Variants in ADAMTSL1 observed in about 807,000 individuals in gnomAD.
ADAMTSL1 encodes ADAMTS-like protein 1.
In ADAMTSL1, 126 loss-of-function variants were observed where a neutral mutation model predicts 201.8. The ratio of observed to expected loss-of-function variants is 0.62; its 90% CI spans 0.54 to 0.72. ADAMTSL1 has a LOEUF of 0.72. Ranked by LOEUF, ADAMTSL1 falls within the 30% of genes least tolerant of loss-of-function variation. The pLI, the probability that ADAMTSL1 is intolerant of heterozygous loss-of-function variation, is 0.00. For synonymous variants in ADAMTSL1, 1,121 were observed against 903.4 expected (o/e 1.24, Z -4.32); for missense variants, 2,679 against 2,277.8 (o/e 1.18, Z -3.59).
chr9:18,452,070 C>T (rs775621941), intron 2 of ADAMTSL1, among the ~76,000 whole-genome samples: 5 of 152,156 alleles, frequency 3.3e-5, no homozygotes, highest in African/African-American at 4.8e-5. Context: ...AGTGCCACCA[C>T]GCCTGGCTAA....
At chr9:18,397,302 G>T (rs1047877041) in intron 2 of ADAMTSL1, among the ~76,000 whole-genome samples, 3 of 152,024 alleles carry the variant, frequency 2.0e-5, no homozygotes, top group African/African-American at 7.2e-5. Flanking sequence ...CTGCCTCGTG[G>T]TATAATTCTT....
intron 4 of ADAMTSL1, among the ~76,000 whole-genome samples, chr9:18,609,193 C>T (rs1301900260): frequency 1.3e-5 from 2 of 152,086 alleles, no homozygotes; most frequent in Non-Finnish European, 2.9e-5. Context: ...GAAAGTGGTT[C>T]CTGAATTAAC....
intron 2 of ADAMTSL1, among the ~76,000 whole-genome samples, chr9:18,243,479 C>T (rs1056501825): frequency 2.0e-5 from 3 of 152,070 alleles, no homozygotes; most frequent in African/African-American, 7.2e-5. Flanking sequence ...TCTCCTCACA[C>T]TGACCTTTGA....
chr9:18,872,459 A>G (rs534479710), intron 23 of ADAMTSL1, among the ~76,000 whole-genome samples: 17 of 152,200 alleles, frequency 1.1e-4, no homozygotes, highest in African/African-American at 3.9e-4. Context: ...CACTGTACCC[A>G]ATGTGTAGTC....
chr9:18,638,708 A>T (rs183614218), intron 6 of ADAMTSL1, among the ~76,000 whole-genome samples: 2 of 152,276 alleles, frequency 1.3e-5, no homozygotes, highest in East Asian at 3.9e-4. Context: ...ACTGAAAATG[A>T]TAGTTCTTGT....
At chr9:18,011,181 A>G (rs1820037555) in intron 1 of ADAMTSL1, among the ~76,000 whole-genome samples, 1 of 152,076 alleles carries the variant, frequency 6.6e-6, no homozygotes, top group African/African-American at 2.4e-5. Flanking sequence ...GAGACAAAAG[A>G]GGTATGTCAG....
chr9:18,254,736 G>T (rs1458369801), intron 2 of ADAMTSL1, among the ~76,000 whole-genome samples: 1 of 149,050 alleles, frequency 6.7e-6, no homozygotes, highest in East Asian at 2.0e-4. Context: ...ATTGTGAGTG[G>T]AGCATTTTAC....
chr9:18,533,112 A>G (rs912530904), intron 2 of ADAMTSL1, 135 bp from the exon 3 acceptor site: 11 of 573,874 alleles, frequency 1.9e-5, no homozygotes, highest in African/African-American at 1.9e-4. Flanking sequence ...TTTTAATAGT[A>G]AACCCTCTAA....
intron 1 of ADAMTSL1, among the ~76,000 whole-genome samples, chr9:17,953,133 T>C (rs935168903): frequency 1.8e-4 from 28 of 152,080 alleles, no homozygotes; most frequent in African/African-American, 6.0e-4. Flanking sequence ...CTTTGTCACA[T>C]GACACATTGT....
chr9:18,361,538 T>C (rs1836519065), intron 2 of ADAMTSL1, among the ~76,000 whole-genome samples: 1 of 152,204 alleles, frequency 6.6e-6, no homozygotes, highest in Non-Finnish European at 1.5e-5. Flanking sequence ...AATGATGTGT[T>C]GTGCCTTAAA....
At chr9:18,755,532 T>C (rs1486698858) in intron 16 of ADAMTSL1, among the ~76,000 whole-genome samples, 1 of 152,184 alleles carries the variant, frequency 6.6e-6, no homozygotes, top group Non-Finnish European at 1.5e-5. Context: ...CAGTGAAACA[T>C]CAATGTCTTT....
Position 18,671,898 on chromosome 9 carries a change from G to A in ADAMTSL1, c.1086-3959G>A, listed in dbSNP as rs181770369. On this transcript the variant is annotated intron_variant, in intron 9 of 28. Transcript: ENST00000380548. ...TAAAAATACAAAAAATTATCCGGGC[G>A]TGGCGGCGGGCGCCTGTAGTCCCAG... is the stretch of plus-strand genomic sequence containing the variant. 4.9e-3 allele frequency among the ~76,000 whole-genome samples: 738 copies of A among 152,048 alleles called. 2 individuals are homozygous for A. The highest frequency in any genetic ancestry group is 0.017 in the African/African-American group (691 of 41,488).
intron 2 of ADAMTSL1, among the ~76,000 whole-genome samples, chr9:18,395,172 C>G (rs765276693): frequency 2.0e-5 from 3 of 152,126 alleles, no homozygotes; most frequent in Non-Finnish European, 4.4e-5. Flanking sequence ...GTCGGATCTC[C>G]AGCATTATGT....
intron 3 of ADAMTSL1, among the ~76,000 whole-genome samples, chr9:18,537,976 AGAG>A (rs913065586): frequency 6.6e-6 from 1 of 150,828 alleles, no homozygotes; most frequent in African/African-American, 2.5e-5. Flanking sequence ...AGAAAGAAGA[AGAG>A]GAGGAAGAGG....
chr9:18,707,328 G>C (rs1225264810), intron 14 of ADAMTSL1, among the ~76,000 whole-genome samples: 1 of 152,162 alleles, frequency 6.6e-6, no homozygotes, highest in Admixed American at 6.5e-5. Flanking sequence ...TCGTGTATCT[G>C]GCTGAGAAAC....
chr9:18,680,203 C>T (rs542785704), intron 10 of ADAMTSL1, 109 bp from the exon 11 acceptor site: 54 of 1,178,872 alleles, frequency 4.6e-5, no homozygotes, highest in Non-Finnish European at 6.3e-5. Context: ...ACCTTAGCCT[C>T]TCAGAACCTG....
chr9:18,307,862 G>T (rs1187532373), intron 2 of ADAMTSL1, among the ~76,000 whole-genome samples: 1 of 152,020 alleles, frequency 6.6e-6, no homozygotes, highest in South Asian at 2.1e-4. Flanking sequence ...ACATCTATAG[G>T]ACTCTTCACC....
At chr9:18,057,644 A>C (rs145491228) in intron 1 of ADAMTSL1, among the ~76,000 whole-genome samples, 17 of 152,308 alleles carry the variant, frequency 1.1e-4, no homozygotes, top group African/African-American at 3.6e-4. Flanking sequence ...TGGGTCCTGC[A>C]TCACCCAGAC....
intron 1 of ADAMTSL1, among the ~76,000 whole-genome samples, chr9:18,070,409 G>T (rs1822912705): frequency 6.6e-6 from 1 of 152,138 alleles, no homozygotes; most frequent in Non-Finnish European, 1.5e-5. Context: ...AGGGATGATA[G>T]ACTCTTATAC....
Sources: allele counts gnomAD v4.1 joint callset (sites outside exome capture counted in the v4.1 genomes callset), GRCh38; gene constraint gnomAD v4.1.1; transcripts MANE v1.5; gene names NCBI Gene and HGNC (gene_info 2026-07-23, HGNC 2026-07-21).